RGS6: variants seen among roughly 807,000 people sequenced by gnomAD.
The protein encoded by RGS6 is regulator of G-protein signaling 6.
In RGS6, 30 loss-of-function variants were observed where a neutral mutation model predicts 78.5. That is an observed-to-expected ratio of 0.38 (90% CI 0.29 to 0.52). RGS6 has a LOEUF of 0.52. Ranked by LOEUF, RGS6 falls within the 20% of genes least tolerant of loss-of-function variation. The pLI is 0.85. For synonymous variants in RGS6, 206 were observed against 206.0 expected, an observed-to-expected ratio of 1.00 and a Z score of 0.00; for missense variants, 495 against 609.7, an observed-to-expected ratio of 0.81 and a Z score of 1.98.
At chr14:72,066,434 A>C (rs184137367) in intron 2 of RGS6, among the ~76,000 whole-genome samples, 68 of 151,972 alleles carry the variant, frequency 4.5e-4, no homozygotes, top group African/African-American at 1.5e-3. Context: ...ACACAAGATA[A>C]TAGAATTGTA....
chr14:72,303,572 C>G (rs914618770), intron 2 of RGS6, among the ~76,000 whole-genome samples: 8 of 152,154 alleles, frequency 5.3e-5, no homozygotes, highest in African/African-American at 1.9e-4. Context: ...TCTGACTCCA[C>G]TACCTAATTC....
chr14:72,518,653 T>A, intron 15 of RGS6, 116 bp downstream of exon 15: 1 of 1,006,896 alleles, frequency 9.9e-7, no homozygotes, highest in Non-Finnish European at 1.4e-6. Flanking sequence ...ATTTGGTTAT[T>A]TTTAAGTTCA....
intron 2 of RGS6, among the ~76,000 whole-genome samples, chr14:72,121,900 C>A (rs1185911339): frequency 6.6e-6 from 1 of 152,070 alleles, no homozygotes; most frequent in African/African-American, 2.4e-5. Flanking sequence ...TTTGCCAGGA[C>A]CATCATCAAA....
intron 13 of RGS6, among the ~76,000 whole-genome samples, chr14:72,499,655 G>GT (rs1026785652): frequency 8.6e-5 from 13 of 152,010 alleles, no homozygotes; most frequent in Middle Eastern, 3.4e-3. Context: ...TTTTTTTGGG[G>GT]TTTTTTTGTT....
In RGS6 at chr14:71,944,376, G is replaced by A. The variant is rs572079862; in HGVS notation, c.-21+11435G>A. 3.3e-5 allele frequency among the ~76,000 whole-genome samples: 5 copies of A among 152,276 alleles called. No homozygotes were observed. In the South Asian group the frequency reaches 8.3e-4, roughly 25 times the overall value. The stretch of plus-strand genomic sequence containing the variant: ...TGCCCTAAGTCAGATAGTCATTGAG[G>A]AGCCAAGATTTAAACTCAGATCTTT... On this transcript the variant is annotated intron_variant, in intron 1 of 17. Transcript: ENST00000553525.
At chr14:72,090,290 A>T (rs907420649) in intron 2 of RGS6, among the ~76,000 whole-genome samples, 1 of 152,164 alleles carries the variant, frequency 6.6e-6, no homozygotes, top group African/African-American at 2.4e-5. Flanking sequence ...GCCATGGACC[A>T]GTACCGGTCC....
chr14:71,937,974 G>A (rs2089805336), intron 1 of RGS6, among the ~76,000 whole-genome samples: 1 of 152,222 alleles, frequency 6.6e-6, no homozygotes, highest in African/African-American at 2.4e-5. Flanking sequence ...GCCTTGGTGA[G>A]TGGAAGTCCG....
intron 3 of RGS6, among the ~76,000 whole-genome samples, chr14:72,377,305 G>A (rs1196143676): frequency 6.6e-6 from 1 of 151,858 alleles, no homozygotes; most frequent in Non-Finnish European, 1.5e-5. Context: ...AAGAGACAAG[G>A]GCATTATATG....
At chr14:72,352,415 T>G (rs113328114) in intron 3 of RGS6, among the ~76,000 whole-genome samples, 1 of 152,196 alleles carries the variant, frequency 6.6e-6, no homozygotes, top group African/African-American at 2.4e-5. Context: ...TTCAAGTGCA[T>G]GTAGATTGAG....
At chr14:72,268,553 G>A (rs1442447119) in intron 2 of RGS6, among the ~76,000 whole-genome samples, 2 of 152,190 alleles carry the variant, frequency 1.3e-5, no homozygotes, top group Non-Finnish European at 2.9e-5. Flanking sequence ...CTGCATGGAT[G>A]TGGTTAGCAC....
the RGS6 span, among the ~76,000 whole-genome samples, chr14:71,914,095 G>A: frequency 6.9e-3 from 1,054 of 152,264 alleles, 10 homozygotes; most frequent in African/African-American, 0.024. Context: ...CATTACATGT[G>A]CCGTGCGCCC....
chr14:72,560,841 T>TTGTCTCACTAGTGAAAATGGGGAGTGA (rs2097665641), intron 17 of RGS6, among the ~76,000 whole-genome samples: 1 of 146,744 alleles, frequency 6.8e-6, no homozygotes, highest in African/African-American at 2.6e-5. Flanking sequence ...TGTGTGTGTT[T>TTGTCTCACTAGTGAAAATGGGGAGTGA]AAGATGGGGA....
intron 2 of RGS6, among the ~76,000 whole-genome samples, chr14:72,111,060 C>T (rs2095750302): frequency 6.6e-6 from 1 of 152,162 alleles, no homozygotes; most frequent in Admixed American, 6.5e-5. Flanking sequence ...ACTCCACTGT[C>T]TGCAAGACTC....
intron 2 of RGS6, among the ~76,000 whole-genome samples, chr14:72,106,075 A>G (rs1323141115): frequency 1.3e-5 from 2 of 152,216 alleles, no homozygotes; most frequent in Admixed American, 6.5e-5. Context: ...TTTAACAAAC[A>G]TATGAATCAG....
At chr14:72,111,180 G>A (rs1473870090) in intron 2 of RGS6, among the ~76,000 whole-genome samples, 1 of 152,114 alleles carries the variant, frequency 6.6e-6, no homozygotes, top group East Asian at 1.9e-4. Context: ...GCCAGTTCAT[G>A]GAGTAACATT....
At chr14:72,550,487 C>T in intron 17 of RGS6, 2 of 1,535,688 alleles carry the variant, frequency 1.3e-6, no homozygotes, top group Non-Finnish European at 1.7e-6. Flanking sequence ...GGACCGAAAG[C>T]CTGGCCTTAA....
rs757321154 is a variant in RGS6, at chr14:72,562,673, C to T, written c.*206C>T. On this transcript the variant is annotated 3_prime_UTR_variant, in exon 18 of 18. Coordinates refer to ENST00000553525, the MANE Select transcript of RGS6 (RefSeq NM_001204424.2). Reference sequence around the variant, plus strand: ...AGAGTCCACAGAGCCTGGGCTGGGCCCGGTGGAGGCTCCTGTTTACAGCCC... The same window carrying T: ...AGAGTCCACAGAGCCTGGGCTGGGCTCGGTGGAGGCTCCTGTTTACAGCCC... 3.9e-6 allele frequency: 6 copies of T among 1,536,110 alleles called. No individual in the cohort carries two copies. The South Asian group carries it at 5.9e-5, about 15-fold the overall frequency.
At chr14:72,212,658 T>C (rs2044462257) in intron 2 of RGS6, among the ~76,000 whole-genome samples, 1 of 152,250 alleles carries the variant, frequency 6.6e-6, no homozygotes, top group African/African-American at 2.4e-5. Context: ...AGTATGTGTT[T>C]GTCACTATTA....
intron 2 of RGS6, among the ~76,000 whole-genome samples, chr14:71,976,445 T>C (rs1244443598): frequency 4.4e-5 from 6 of 136,904 alleles, no homozygotes; most frequent in Non-Finnish European, 9.1e-5. Context: ...CAGAGTGTGA[T>C]GTTCCCCTTC....
Sources: gnomAD v4.1 joint callset for allele counts (sites outside exome capture counted in the v4.1 genomes callset) on GRCh38, gnomAD v4.1.1 for gene constraint, MANE v1.5 for transcripts, NCBI Gene and HGNC (gene_info 2026-07-23, HGNC 2026-07-21) for gene names.